Variants in RABGAP1 observed in about 807,000 individuals in gnomAD.
RABGAP1 encodes rab GTPase-activating protein 1.
In RABGAP1, 23 loss-of-function variants were observed where a neutral mutation model predicts 137.6. The ratio of observed to expected loss-of-function variants is 0.17; its 90% CI spans 0.12 to 0.24. The LOEUF is 0.24. Ranked by LOEUF, RABGAP1 falls within the 10% of genes least tolerant of loss-of-function variation. The pLI is 1.00. For synonymous variants in RABGAP1, 451 were observed against 450.7 expected, an observed-to-expected ratio of 1.00 and a Z score of -0.01; for missense variants, 906 against 1,275.8, an observed-to-expected ratio of 0.71 and a Z score of 4.42.
At chr9:122,965,388 TA>T (rs1244626243) in intron 2 of RABGAP1, among the ~76,000 whole-genome samples, 2 of 152,112 alleles carry the variant, frequency 1.3e-5, no homozygotes, top group East Asian at 1.9e-4. Flanking sequence ...ATGTTTGTAC[TA>T]AAAAAAATTT....
Position 122,997,276 on chromosome 9 carries a change from T to C in RABGAP1, c.1119T>C (p.Ser373=). The change falls in exon 9 of 26, where the codon AGT becomes AGC. Residue 373 remains serine, a synonymous_variant. Transcript: ENST00000373647. ...TTTTCTAGGAATCTATGGGCAAAAGTTCAGATGGAAAGTCGTATGTTATTA... is the reference window on the plus strand; with the variant it reads ...TTTTCTAGGAATCTATGGGCAAAAGCTCAGATGGAAAGTCGTATGTTATTA... The part of the protein sequence containing the change: ...HLLDLESMGK[S]SDGKSYVITG... The C allele has an allele frequency of 6.2e-7, 1 of 1,605,738 alleles. No individual in the cohort carries two copies. The highest frequency in any genetic ancestry group is 8.5e-7 in the Non-Finnish European group (1 of 1,177,360).
At chr9:122,951,266 C>G (rs1834227804) in intron 1 of RABGAP1, among the ~76,000 whole-genome samples, 1 of 152,158 alleles carries the variant, frequency 6.6e-6, no homozygotes, top group Admixed American at 6.5e-5. Flanking sequence ...TCACCCACAC[C>G]TCTTATTAAG....
chr9:122,989,291 G>A lies in RABGAP1; in HGVS notation c.591-6G>A, dbSNP rs749524231. ...GTAATCTCTCTGTATCTTTTTCTCTGAACAGACTCTTAGATCCTCAGACAA... is the reference window on the plus strand; with the variant it reads ...GTAATCTCTCTGTATCTTTTTCTCTAAACAGACTCTTAGATCCTCAGACAA... On this transcript the variant is annotated splice_region_variant and splice_polypyrimidine_tract_variant and intron_variant, in intron 4 of 25. Transcript: ENST00000373647. 6.2e-7 allele frequency: 1 copy of A among 1,609,014 alleles called. No individual in the cohort carries two copies.
chr9:122,996,310 G>A, intron 7 of RABGAP1, 159 bp downstream of exon 7: 2 of 1,309,082 alleles, frequency 1.5e-6, no homozygotes, highest in East Asian at 2.6e-5. Context: ...CTTTGAAATA[G>A]CTACTATAAA....
chr9:123,095,058 C>T (rs1281156344), intron 21 of RABGAP1, among the ~76,000 whole-genome samples: 1 of 151,698 alleles, frequency 6.6e-6, no homozygotes, highest in African/African-American at 2.4e-5. Context: ...CCAGCTTTAG[C>T]CTGGGCAACA....
chr9:123,034,381 G>C, intron 13 of RABGAP1: 2 of 582,222 alleles, frequency 3.4e-6, no homozygotes, highest in Non-Finnish European at 6.0e-6. Flanking sequence ...ATTCCAGGAA[G>C]GATTTAAAGG....
At chr9:122,995,963 G>C (rs1255719527) in intron 6 of RABGAP1, 78 bp from the exon 7 acceptor site, 7 of 1,489,080 alleles carry the variant, frequency 4.7e-6, no homozygotes, top group Non-Finnish European at 6.2e-6. Context: ...AGAGATTTGA[G>C]GTCTTTGTTT....
chr9:123,023,613 A>G (rs904025917), intron 13 of RABGAP1, among the ~76,000 whole-genome samples: 21 of 151,786 alleles, frequency 1.4e-4, no homozygotes, highest in African/African-American at 4.6e-4. Flanking sequence ...AATTGTTTAG[A>G]GTATTCCATT....
In RABGAP1 at chr9:123,070,200, A is replaced by C. The variant is rs549471909; in HGVS notation, c.1909-150A>C. 1 of 1,362,232 alleles carries C rather than the reference A, an allele frequency of 7.3e-7. No homozygotes were observed. Among genetic ancestry groups the C allele is most frequent in the African/African-American group, 1.5e-5 (1 of 67,950 alleles). The allele number at this position is 1,362,232 out of a possible 1,614,324, so 84.4% of individuals were successfully genotyped here. On this transcript the variant is annotated intron_variant, in intron 14 of 25. Coordinates refer to ENST00000373647, the MANE Select transcript of RABGAP1 (RefSeq NM_012197.4). This position sits in a 1 kb window ranked among gnomAD's most constrained non-coding sequence, Gnocchi z 4.4. Reference sequence around the variant, plus strand: ...TGTAAAGAAAAAGTTAAGATTGGAGAGAAGTATTGGCACCACTTACTGTCT... The same window carrying C: ...TGTAAAGAAAAAGTTAAGATTGGAGCGAAGTATTGGCACCACTTACTGTCT...
chr9:123,048,008 G>A (rs923864518), intron 13 of RABGAP1, among the ~76,000 whole-genome samples: 2 of 127,960 alleles, frequency 1.6e-5, no homozygotes, highest in Admixed American at 9.9e-5. Context: ...GCGCGATCTC[G>A]GCCCACTGCG....
At chr9:123,088,788 G>A (rs2034948380) in intron 19 of RABGAP1, among the ~76,000 whole-genome samples, 1 of 152,222 alleles carries the variant, frequency 6.6e-6, no homozygotes, top group African/African-American at 2.4e-5. Flanking sequence ...GGGAAAGCCT[G>A]TTACCTAGAA....
At chr9:123,090,449 A>G in intron 21 of RABGAP1, 64 bp downstream of exon 21, 1 of 1,320,308 alleles carries the variant, frequency 7.6e-7, no homozygotes, top group Non-Finnish European at 1.0e-6. Context: ...CCTCAAGAGA[A>G]ATCCTGGAAT....
intron 21 of RABGAP1, among the ~76,000 whole-genome samples, chr9:123,091,719 C>T (rs923197765): frequency 6.6e-6 from 1 of 151,982 alleles, no homozygotes; most frequent in African/African-American, 2.4e-5. Flanking sequence ...AGGGAAGGCT[C>T]CTCTTTGCAG....
intron 13 of RABGAP1, chr9:123,029,573 T>A (rs2032184284): frequency 1.3e-5 from 10 of 756,158 alleles, no homozygotes; most frequent in Non-Finnish European, 1.7e-5. Flanking sequence ...GTTGGGAACT[T>A]CCTTACAGAG....
chr9:123,010,181 T>TA (rs2030672512), intron 10 of RABGAP1, among the ~76,000 whole-genome samples, 173 bp from the exon 11 acceptor site: 1 of 152,246 alleles, frequency 6.6e-6, no homozygotes, highest in African/African-American at 2.4e-5. Context: ...TTTAAAAAGT[T>TA]ACTTCTAATG....
chr9:123,017,999 T>G (rs1232620205), intron 12 of RABGAP1, among the ~76,000 whole-genome samples: 3 of 152,200 alleles, frequency 2.0e-5, no homozygotes, highest in Non-Finnish European at 2.9e-5. Flanking sequence ...AGTTCATTTT[T>G]TTTGTTTGTT....
rs2131595930 is a variant in RABGAP1, at chr9:122,949,358, TA to T, written c.-49-7648del. Among the ~76,000 whole-genome samples, 3 of 152,008 alleles carry T rather than the reference TA, an allele frequency of 2.0e-5. No individual in the cohort carries two copies. The East Asian group carries it at 5.8e-4, about 29-fold the overall frequency. The stretch of plus-strand genomic sequence containing the variant: ...CGAAACCCCGTCTGTGCTAAAAATA[TA>T]AAAATTAGCCAGGCGTGGTGGCGGG... On this transcript the variant is annotated intron_variant, in intron 1 of 25. Transcript: ENST00000373647.
intron 10 of RABGAP1, among the ~76,000 whole-genome samples, chr9:123,004,464 T>C (rs941739603): frequency 3.3e-5 from 5 of 152,034 alleles, no homozygotes; most frequent in African/African-American, 1.2e-4. Context: ...TTTTAATTTT[T>C]TGGAGAGACG....
intron 2 of RABGAP1, among the ~76,000 whole-genome samples, chr9:122,973,964 G>A (rs573253501): frequency 3.7e-4 from 56 of 151,166 alleles, no homozygotes; most frequent in Middle Eastern, 3.4e-3. Flanking sequence ...GAGCTATCAC[G>A]CCACTGCACT....
Sources: gnomAD v4.1 joint callset for allele counts (sites outside exome capture counted in the v4.1 genomes callset) on GRCh38, gnomAD v4.1.1 for gene constraint, Gnocchi (gnomAD v3.1) non-coding constraint, MANE v1.5 for transcripts, NCBI Gene and HGNC (gene_info 2026-07-23, HGNC 2026-07-21) for gene names.